STAT4: variants seen among roughly 807,000 people sequenced by gnomAD.
STAT4 encodes signal transducer and activator of transcription 4.
Under a neutral mutation model 110.5 loss-of-function variants are expected in STAT4, and 42 were observed. That is an observed-to-expected ratio of 0.38 (90% CI 0.30 to 0.49). The LOEUF is 0.49. Among genes scored for constraint, STAT4 ranks in the 20% least tolerant of loss-of-function variants. STAT4 has a pLI of 0.95. For synonymous variants in STAT4, 284 were observed against 302.2 expected (o/e 0.94, Z 0.63); for missense variants, 632 against 887.9 (o/e 0.71, Z 3.66).
At chr2:191,088,778 T>C (rs1697708373) in intron 3 of STAT4, among the ~76,000 whole-genome samples, 1 of 152,128 alleles carries the variant, frequency 6.6e-6, no homozygotes, top group Non-Finnish European at 1.5e-5. Context: ...TCCACGTAAA[T>C]GTACTTAACT....
rs1306893837 is a variant in STAT4, at chr2:191,117,783, C to A, written c.273+28830G>T. Among the ~76,000 whole-genome samples the A allele has an allele frequency of 6.6e-6, 1 of 152,184 alleles. No individual in the cohort carries two copies. Among genetic ancestry groups the A allele is most frequent in the East Asian group, 1.9e-4 (1 of 5,192 alleles). Reference sequence around the variant, plus strand: ...CCTGGATGCATCCCTCCTTTGTGAACTCCCTGAATCCTACCTCTCCGAGCC... The same window carrying A: ...CCTGGATGCATCCCTCCTTTGTGAAATCCCTGAATCCTACCTCTCCGAGCC... On this transcript the variant is annotated intron_variant, in intron 3 of 23. Transcript: ENST00000392320. The surrounding 1 kb of genome is among the most constrained non-coding windows in gnomAD (Gnocchi z 5.2).
At position 191,112,637 on chromosome 2, in the gene STAT4, A is replaced by G. The variant is rs1029811726; in HGVS notation, c.273+33976T>C. On this transcript the variant is annotated intron_variant, in intron 3 of 23. Coordinates refer to ENST00000392320, the MANE Select transcript of STAT4 (RefSeq NM_003151.4). This position sits in a 1 kb window ranked among gnomAD's most constrained non-coding sequence, Gnocchi z 4.3. Reference sequence around the variant, plus strand: ...AAAAGAAGCTTTTGTTATTACTGTTATTACTTTCCCAAGTACGACCTCATT... The same window carrying G: ...AAAAGAAGCTTTTGTTATTACTGTTGTTACTTTCCCAAGTACGACCTCATT... 2.0e-5 allele frequency among the ~76,000 whole-genome samples: 3 copies of G among 152,218 alleles called. No individual in the cohort carries two copies. The East Asian group carries it at 5.8e-4, about 29-fold the overall frequency.
chr2:191,137,513 A>C (rs1331476280), intron 3 of STAT4, among the ~76,000 whole-genome samples: 1 of 152,150 alleles, frequency 6.6e-6, no homozygotes, highest in East Asian at 1.9e-4. Context: ...CAAAATAGTA[A>C]AATAGAAAAA....
rs1012626382 is a variant in STAT4 at position 191,112,145 on chromosome 2, C to T, written c.273+34468G>A. On this transcript the variant is annotated intron_variant, in intron 3 of 23. Transcript: ENST00000392320. The surrounding 1 kb of genome is among the most constrained non-coding windows in gnomAD (Gnocchi z 4.3). The stretch of plus-strand genomic sequence containing the variant: ...TATATATATATTGTATGTCATTATA[C>T]CTCTGTAAGGTTGTTAGAAATTATC... Among the ~76,000 whole-genome samples, 3 of 152,000 alleles carry T rather than the reference C, an allele frequency of 2.0e-5. No homozygotes were observed. The highest frequency in any genetic ancestry group is 7.3e-5 in the African/African-American group (3 of 41,370).
rs2125228273 is a variant in STAT4, at chr2:191,061,309, T to C, written c.1034+420A>G. Among the ~76,000 whole-genome samples, 1 of 152,264 alleles carries C rather than the reference T, an allele frequency of 6.6e-6. No individual in the cohort carries two copies. Among genetic ancestry groups the C allele is most frequent in the East Asian group, 1.9e-4 (1 of 5,182 alleles). ...AGGATATTCAAAGCCTTCCAGAATCTGTCCCCAATCTGTCCTCTCAATTCT... is the reference window on the plus strand; with the variant it reads ...AGGATATTCAAAGCCTTCCAGAATCCGTCCCCAATCTGTCCTCTCAATTCT... On this transcript the variant is annotated intron_variant, in intron 10 of 23. Transcript: ENST00000392320. The surrounding 1 kb of genome is among the most constrained non-coding windows in gnomAD (Gnocchi z 6.2).
chr2:191,089,171 A>G (rs898816064), intron 3 of STAT4, among the ~76,000 whole-genome samples: 7 of 152,226 alleles, frequency 4.6e-5, no homozygotes, highest in African/African-American at 1.4e-4. Flanking sequence ...GGCAAAAAAC[A>G]TATCTGATAA....
rs1698391511 is a variant in STAT4 at position 191,110,346 on chromosome 2, C to T, written c.274-34021G>A. 6.6e-6 allele frequency among the ~76,000 whole-genome samples: 1 copy of T among 152,166 alleles called. No homozygotes were observed. Among genetic ancestry groups the T allele is most frequent in the Non-Finnish European group, 1.5e-5 (1 of 68,024 alleles). On this transcript the variant is annotated intron_variant, in intron 3 of 23. Coordinates refer to ENST00000392320, the MANE Select transcript of STAT4 (RefSeq NM_003151.4). This position sits in a 1 kb window ranked among gnomAD's most constrained non-coding sequence, Gnocchi z 4.5. Reference sequence around the variant, plus strand: ...AGGCTAAAGTCTTCAAAATAAGGGACATGGGAGGAGCTAGCACTGGGGAAT... The same window carrying T: ...AGGCTAAAGTCTTCAAAATAAGGGATATGGGAGGAGCTAGCACTGGGGAAT...
chr2:191,122,237 C>T (rs1698756462), intron 3 of STAT4, among the ~76,000 whole-genome samples: 1 of 148,468 alleles, frequency 6.7e-6, no homozygotes, highest in African/African-American at 2.5e-5. Flanking sequence ...GGCCATCAAG[C>T]ATAAAATTCT....
chr2:191,108,395 G>A (rs989695786), intron 3 of STAT4, among the ~76,000 whole-genome samples: 31 of 152,064 alleles, frequency 2.0e-4, no homozygotes, highest in Admixed American at 1.6e-3. Context: ...AAACTCGATA[G>A]TGACAGTCTT....
Position 191,032,453 on chromosome 2 carries a change from G to C in STAT4, c.2044+505C>G, listed in dbSNP as rs1695923373. 6.6e-6 allele frequency: 1 copy of C among 152,532 alleles called. No homozygotes were observed. Among genetic ancestry groups the C allele is most frequent in the African/African-American group, 2.4e-5 (1 of 41,438 alleles). The allele number at this position is 152,532 out of a possible 1,614,324, so 9.4% of individuals were successfully genotyped here. Reference sequence around the variant, plus strand: ...GTAGGCTGGGAGTGTGGGGGAGGGAGAGGATGAAGCAGAGATCCACAGGTC... The same window carrying C: ...GTAGGCTGGGAGTGTGGGGGAGGGACAGGATGAAGCAGAGATCCACAGGTC... On this transcript the variant is annotated intron_variant, in intron 21 of 23. Transcript: ENST00000392320. The surrounding 1 kb of genome is among the most constrained non-coding windows in gnomAD (Gnocchi z 4.9).
At chr2:191,054,395 T>C in intron 14 of STAT4, 95 bp downstream of exon 14, 1 of 1,016,010 alleles carries the variant, frequency 9.8e-7, no homozygotes, top group South Asian at 1.6e-5. Context: ...ATGAATTTGA[T>C]TTTATATGAA....
chr2:191,072,985 A>G, intron 5 of STAT4, 113 bp downstream of exon 5: 1 of 717,870 alleles, frequency 1.4e-6, no homozygotes. Flanking sequence ...TATCTTATTA[A>G]CAAATTGCCC....
intron 3 of STAT4, among the ~76,000 whole-genome samples, chr2:191,106,362 GA>G (rs113578974): frequency 6.7e-4 from 96 of 143,338 alleles, no homozygotes; most frequent in South Asian, 8.8e-4. Context: ...TGTCTGCTTA[GA>G]AAAAAAAAAA....
intron 13 of STAT4, 70 bp from the exon 14 acceptor site, chr2:191,054,604 T>C: frequency 7.2e-7 from 1 of 1,398,436 alleles, no homozygotes; most frequent in South Asian, 1.2e-5. Context: ...TGGTCGTACC[T>C]GTTGCGGTCA....
In STAT4 at chr2:191,039,337, C is replaced by G. The variant is rs1696126029; in HGVS notation, c.1336-40G>C. 1 of 1,563,682 alleles carries G rather than the reference C, an allele frequency of 6.4e-7. No homozygotes were observed. The highest frequency in any genetic ancestry group is 1.4e-5 in the African/African-American group (1 of 74,002). On this transcript the variant is annotated intron_variant, in intron 15 of 23. Coordinates refer to ENST00000392320, the MANE Select transcript of STAT4 (RefSeq NM_003151.4). The surrounding 1 kb of genome is among the most constrained non-coding windows in gnomAD (Gnocchi z 4.7). The stretch of plus-strand genomic sequence containing the variant: ...AAAAAGCATAGTTATTACAGGTAGT[C>G]CCACCTTACATTGATCTTATGCTTG...
rs373143013 is a variant in STAT4 at position 191,046,997 on chromosome 2, T to C, written c.1252-5849A>G. 1.3e-5 allele frequency among the ~76,000 whole-genome samples: 2 copies of C among 152,268 alleles called. No individual in the cohort carries two copies. Among genetic ancestry groups the C allele is most frequent in the African/African-American group, 4.8e-5 (2 of 41,576 alleles). On this transcript the variant is annotated intron_variant, in intron 14 of 23. Transcript: ENST00000392320. The surrounding 1 kb of genome is among the most constrained non-coding windows in gnomAD (Gnocchi z 4.6). Reference sequence around the variant, plus strand: ...TTAGGAGTTGGAACTTCTACCCCACTCCCTGACCTCTGGGAAGGGGAGAGG... The same window carrying C: ...TTAGGAGTTGGAACTTCTACCCCACCCCCTGACCTCTGGGAAGGGGAGAGG...
chr2:191,033,446 T>G lies in STAT4; in HGVS notation c.1852+44A>C. 6.3e-7 allele frequency: 1 copy of G among 1,579,412 alleles called. No homozygotes were observed. Among genetic ancestry groups the G allele is most frequent in the South Asian group, 1.2e-5 (1 of 85,690 alleles). On this transcript the variant is annotated intron_variant, in intron 20 of 23. Transcript: ENST00000392320. This position sits in a 1 kb window ranked among gnomAD's most constrained non-coding sequence, Gnocchi z 6.9. The stretch of plus-strand genomic sequence containing the variant: ...AAACTGAAATCCCAGTAACCAAATT[T>G]AAGAAAACTAATTTCACATGAATAA...
intron 1 of STAT4, among the ~76,000 whole-genome samples, chr2:191,149,422 A>C (rs1339435650): frequency 6.6e-6 from 1 of 152,216 alleles, no homozygotes; most frequent in African/African-American, 2.4e-5. Flanking sequence ...TTTTATTTGC[A>C]TATCATTTTA....
Position 191,148,147 on chromosome 2 carries a change from A to G in STAT4, c.57T>C (p.Asp19=). The G allele has an allele frequency of 1.2e-6, 2 of 1,613,950 alleles. No homozygotes were observed. The highest frequency in any genetic ancestry group is 1.7e-6 in the Non-Finnish European group (2 of 1,179,852). Residue 19 remains aspartate (D), a synonymous_variant, in exon 2 of 24, where the codon GAT becomes GAC. Transcript: ENST00000392320. ...TGGGAAAGTTGTCATCATAGAATTG[A>G]TCCACCTGCTCCAAAAACTTGATTT... ...QLEIKFLEQV[D]QFYDDNFPME...
Sources: allele counts gnomAD v4.1 joint callset (sites outside exome capture counted in the v4.1 genomes callset), GRCh38; gene constraint gnomAD v4.1.1; non-coding constraint Gnocchi (gnomAD v3.1); transcripts MANE v1.5; gene names NCBI Gene and HGNC (gene_info 2026-07-23, HGNC 2026-07-21).